KHDC1: variants seen among roughly 807,000 people sequenced by gnomAD.
KHDC1 encodes KH homology domain-containing protein 1.
KHDC1 carries 21 observed loss-of-function variants against 24.7 expected under a neutral mutation model. That is an observed-to-expected ratio of 0.85 (90% CI 0.60 to 1.23). KHDC1 has a LOEUF of 1.23. Ranked by LOEUF, KHDC1 falls within the 50% of genes most tolerant of loss-of-function variation. KHDC1 has a pLI of 0.00. For missense variants in KHDC1, 274 were observed against 298.5 expected, an observed-to-expected ratio of 0.92 and a Z score of 0.61; for synonymous variants, 98 against 111.7, an observed-to-expected ratio of 0.88 and a Z score of 0.77.
At chr6:73,287,079 A>G (rs1395247932) in intron 2 of KHDC1, among the ~76,000 whole-genome samples, 1 of 152,176 alleles carries the variant, frequency 6.6e-6, no homozygotes, top group Non-Finnish European at 1.5e-5. Flanking sequence ...TGAGTATGCT[A>G]TAGACTATAT....
At chr6:73,281,136 G>T (rs1464633092) in intron 2 of KHDC1, among the ~76,000 whole-genome samples, 1 of 152,072 alleles carries the variant, frequency 6.6e-6, no homozygotes, top group Non-Finnish European at 1.5e-5. Context: ...CTGAGATCAG[G>T]AGTTTGAGAC....
intron 2 of KHDC1, among the ~76,000 whole-genome samples, chr6:73,252,701 C>A (rs1766802966): frequency 6.6e-6 from 1 of 151,932 alleles, no homozygotes; most frequent in Non-Finnish European, 1.5e-5. Context: ...CCTGTAGTCC[C>A]AGCTACTCAG....
chr6:73,251,882 C>G, intron 2 of KHDC1, among the ~76,000 whole-genome samples: 1 of 151,082 alleles, frequency 6.6e-6, no homozygotes, highest in Non-Finnish European at 1.5e-5. Flanking sequence ...ACTGCACCCT[C>G]AGCCTCCCGG....
chr6:73,291,697 G>A (rs16883544), intron 2 of KHDC1, among the ~76,000 whole-genome samples: 10,508 of 150,222 alleles, frequency 0.07, 389 homozygotes, highest in East Asian at 0.13. Flanking sequence ...CAGGACCTAC[G>A]TTAAGGTGGA....
chr6:73,277,420 G>A (rs540154835), intron 2 of KHDC1, among the ~76,000 whole-genome samples: 2 of 152,062 alleles, frequency 1.3e-5, no homozygotes, highest in African/African-American at 4.8e-5. Context: ...AGCCAAGATT[G>A]TGCCATTGCA....
chr6:73,306,454 T>G (rs781659985), intron 1 of KHDC1, among the ~76,000 whole-genome samples: 2 of 152,154 alleles, frequency 1.3e-5, no homozygotes, highest in Non-Finnish European at 2.9e-5. Flanking sequence ...AAACGTCCAC[T>G]AAACATATTC....
At chr6:73,302,343 C>T (rs963157829) in intron 1 of KHDC1, among the ~76,000 whole-genome samples, 1 of 152,138 alleles carries the variant, frequency 6.6e-6, no homozygotes, top group South Asian at 2.1e-4. Context: ...AAAATACAGT[C>T]ATGCATCATT....
intron 2 of KHDC1, among the ~76,000 whole-genome samples, chr6:73,247,669 C>A (rs1029719811): frequency 3.3e-5 from 5 of 151,948 alleles, no homozygotes; most frequent in African/African-American, 1.2e-4. Flanking sequence ...CCAGCCTAGC[C>A]AGCATGGTGA....
intron 2 of KHDC1, among the ~76,000 whole-genome samples, chr6:73,246,933 C>T (rs1201159262): frequency 6.6e-6 from 1 of 151,156 alleles, no homozygotes; most frequent in Non-Finnish European, 1.5e-5. Flanking sequence ...GATTATTTTG[C>T]ACATTGGGCT....
At chr6:73,251,233 G>A (rs946588326) in intron 2 of KHDC1, among the ~76,000 whole-genome samples, 1 of 152,076 alleles carries the variant, frequency 6.6e-6, no homozygotes, top group Non-Finnish European at 1.5e-5. Flanking sequence ...AATAAATAAT[G>A]AGAGAAAAAG....
rs537578065 is a variant in KHDC1 at position 73,276,534 on chromosome 6, G to T, written c.206+15464C>A. The T allele has an allele frequency of 6.6e-5, 10 of 151,470 alleles. No individual in the cohort carries two copies. The East Asian group carries it at 1.6e-3, about 24-fold the overall frequency. The allele number at this position is 151,470 out of a possible 1,614,324, so 9.4% of individuals were successfully genotyped here. ...AAAAAAAAACTAGCCAGGCTTTGTA[G>T]CATGTGCCTGTTGCCCCTTCTAATT... is the stretch of plus-strand genomic sequence containing the variant. On this transcript the variant is annotated intron_variant, in intron 2 of 4. Transcript: ENST00000370384.
intron 1 of KHDC1, among the ~76,000 whole-genome samples, chr6:73,297,515 T>A (rs912928651): frequency 6.6e-6 from 1 of 152,160 alleles, no homozygotes; most frequent in South Asian, 2.1e-4. Context: ...AAATACAGGA[T>A]GAAATTCCAA....
Position 73,243,165 on chromosome 6 carries a change from C to T in KHDC1, c.207-635G>A, listed in dbSNP as rs562359998. Among the ~76,000 whole-genome samples, 38 of 150,954 alleles carry T rather than the reference C, an allele frequency of 2.5e-4. No individual in the cohort carries two copies. The South Asian group carries it at 7.5e-3, about 30-fold the overall frequency. Reference sequence around the variant, plus strand: ...GAAGTAAAGAGATTAATGTGGTCTTCATTGTGGAATGTTCTCTCTCTCTGG... The same window carrying T: ...GAAGTAAAGAGATTAATGTGGTCTTTATTGTGGAATGTTCTCTCTCTCTGG... On this transcript the variant is annotated intron_variant, in intron 2 of 4. Coordinates refer to ENST00000370384, the Ensembl canonical transcript of KHDC1.
chr6:73,285,743 G>A (rs1456196415), intron 2 of KHDC1, among the ~76,000 whole-genome samples: 6 of 150,924 alleles, frequency 4.0e-5, no homozygotes, highest in Non-Finnish European at 5.9e-5. Context: ...ATGCTGGTGC[G>A]CTGCACCCAC....
intron 2 of KHDC1, among the ~76,000 whole-genome samples, chr6:73,245,082 T>C (rs1221134075): frequency 6.6e-6 from 1 of 152,306 alleles, no homozygotes; most frequent in African/African-American, 2.4e-5. Context: ...TTGGTTGGCC[T>C]CTAGGGGACA....
chr6:73,309,039 G>T (rs985329743), intron 1 of KHDC1, among the ~76,000 whole-genome samples: 5 of 152,090 alleles, frequency 3.3e-5, no homozygotes, highest in Admixed American at 6.5e-5. Context: ...TGGCCAGGCG[G>T]GTCTGAAACT....
Position 73,308,325 on chromosome 6 carries a change from C to T in KHDC1, c.163+1227G>A, listed in dbSNP as rs189792563. Among the ~76,000 whole-genome samples, 562 of 152,198 alleles carry T rather than the reference C, an allele frequency of 3.7e-3. 1 individual carries two copies. The highest frequency in any genetic ancestry group is 0.013 in the African/African-American group (525 of 41,538). The stretch of plus-strand genomic sequence containing the variant: ...CCCTGACCTCATGATCCGCCCTCCT[C>T]GGCCTCCCGAAGTGCTGGGATTACA... On this transcript the variant is annotated intron_variant, in intron 1 of 4. Transcript: ENST00000370384.
chr6:73,256,459 A>G (rs1213616854), intron 2 of KHDC1, among the ~76,000 whole-genome samples: 2 of 152,230 alleles, frequency 1.3e-5, no homozygotes, highest in African/African-American at 4.8e-5. Context: ...GACTCGCTCC[A>G]GGTTTAGACA....
intron 2 of KHDC1, among the ~76,000 whole-genome samples, chr6:73,258,600 A>G (rs1766924640): frequency 6.6e-6 from 1 of 152,188 alleles, no homozygotes; most frequent in Admixed American, 6.5e-5. Context: ...AGTAGGAAGG[A>G]TGCATTTGAC....
Sources: allele counts gnomAD v4.1 joint callset (sites outside exome capture counted in the v4.1 genomes callset), GRCh38; gene constraint gnomAD v4.1.1; transcripts MANE v1.5; gene names NCBI Gene and HGNC (gene_info 2026-07-23, HGNC 2026-07-21).